ADAMTSL1: variants seen among roughly 807,000 people sequenced by gnomAD.
ADAMTSL1 encodes the protein ADAMTS-like protein 1.
A neutral mutation model predicts 201.8 loss-of-function variants in ADAMTSL1; 126 were observed. That is an observed-to-expected ratio of 0.62 (90% CI 0.54 to 0.72). The LOEUF (loss-of-function observed/expected upper bound fraction) is 0.72, where lower values mean the gene tolerates loss of function less well. Ranked by LOEUF, ADAMTSL1 falls within the 30% of genes least tolerant of loss-of-function variation. ADAMTSL1 has a pLI of 0.00. For synonymous variants in ADAMTSL1, 1,121 were observed against 903.4 expected (o/e 1.24, Z -4.32); for missense variants, 2,679 against 2,277.8 (o/e 1.18, Z -3.59).
intron 2 of ADAMTSL1, among the ~76,000 whole-genome samples, chr9:18,507,982 C>G (rs1231298296): frequency 6.6e-6 from 1 of 152,000 alleles, no homozygotes; most frequent in African/African-American, 2.4e-5. Context: ...GTCAAGAGTT[C>G]AAGACAAGCC....
chr9:18,834,839 T>C (rs963711826), intron 23 of ADAMTSL1, among the ~76,000 whole-genome samples: 2 of 152,234 alleles, frequency 1.3e-5, no homozygotes, highest in African/African-American at 4.8e-5. Flanking sequence ...TATTTCATTG[T>C]ATATACTACA....
chr9:18,660,616 T>G (rs992086682), intron 8 of ADAMTSL1, among the ~76,000 whole-genome samples: 6 of 152,178 alleles, frequency 3.9e-5, no homozygotes, highest in African/African-American at 9.6e-5. Context: ...AATTATAAAA[T>G]AATTAGCCTG....
chr9:18,131,160 C>A (rs1227967027), intron 1 of ADAMTSL1, among the ~76,000 whole-genome samples: 2 of 152,122 alleles, frequency 1.3e-5, no homozygotes, highest in Non-Finnish European at 2.9e-5. Flanking sequence ...AAAACTAAGT[C>A]TTGGTGTCAT....
intron 15 of ADAMTSL1, among the ~76,000 whole-genome samples, chr9:18,725,283 G>A (rs927880249): frequency 1.3e-5 from 2 of 152,206 alleles, no homozygotes; most frequent in African/African-American, 4.8e-5. Context: ...AGCTTTAATA[G>A]AAAAGAGAGG....
At chr9:18,773,019 G>T (rs908114701) in intron 17 of ADAMTSL1, among the ~76,000 whole-genome samples, 1 of 152,200 alleles carries the variant, frequency 6.6e-6, no homozygotes, top group Non-Finnish European at 1.5e-5. Context: ...AAGTGCTCCT[G>T]GAGGTGTTCA....
At chr9:18,740,999 TTCTG>T in intron 15 of ADAMTSL1, among the ~76,000 whole-genome samples, 1 of 152,278 alleles carries the variant, frequency 6.6e-6, no homozygotes, top group South Asian at 2.1e-4. Flanking sequence ...CAATCTATGA[TTCTG>T]TCTTAGATTG....
intron 2 of ADAMTSL1, among the ~76,000 whole-genome samples, chr9:18,300,074 C>T (rs534412936): frequency 1.3e-5 from 2 of 152,248 alleles, no homozygotes; most frequent in South Asian, 4.2e-4. Context: ...GGATCTAGAA[C>T]TAGAAATACC....
At chr9:18,532,938 T>A (rs995684692) in intron 2 of ADAMTSL1, among the ~76,000 whole-genome samples, 2 of 151,960 alleles carry the variant, frequency 1.3e-5, no homozygotes, top group Non-Finnish European at 2.9e-5. Context: ...AAAGGATTAA[T>A]TGAATGTCAG....
chr9:17,949,484 G>T (rs1318818907), intron 1 of ADAMTSL1, among the ~76,000 whole-genome samples: 1 of 152,202 alleles, frequency 6.6e-6, no homozygotes, highest in African/African-American at 2.4e-5. Flanking sequence ...GATGCCCTAA[G>T]GCCCTAAGGA....
intron 1 of ADAMTSL1, among the ~76,000 whole-genome samples, chr9:18,154,891 A>C (rs2132058648): frequency 6.6e-6 from 1 of 152,174 alleles, no homozygotes; most frequent in East Asian, 1.9e-4. Context: ...AAATTCTTTA[A>C]GTTACATATA....
intron 2 of ADAMTSL1, among the ~76,000 whole-genome samples, chr9:18,202,676 A>G (rs1447842558): frequency 6.6e-6 from 1 of 152,124 alleles, no homozygotes; most frequent in Non-Finnish European, 1.5e-5. Flanking sequence ...CCTCTATCCT[A>G]GCACCTGTAA....
intron 2 of ADAMTSL1, among the ~76,000 whole-genome samples, chr9:18,453,653 C>T (rs1268235980): frequency 2.0e-5 from 3 of 152,170 alleles, no homozygotes; most frequent in Non-Finnish European, 4.4e-5. Flanking sequence ...GGAAATCTCT[C>T]CTGCCAGATA....
chr9:18,522,056 T>C (rs1394354439), intron 2 of ADAMTSL1, among the ~76,000 whole-genome samples: 1 of 152,162 alleles, frequency 6.6e-6, no homozygotes, highest in African/African-American at 2.4e-5. Flanking sequence ...GTTCATATAG[T>C]TTCCTTTTTC....
At chr9:17,959,069 G>C (rs1473896644) in intron 1 of ADAMTSL1, among the ~76,000 whole-genome samples, 1 of 152,054 alleles carries the variant, frequency 6.6e-6, no homozygotes. Flanking sequence ...CTGTAATATA[G>C]TATTATTTTT....
At chr9:18,496,609 A>G (rs1027961890) in intron 1 of ADAMTSL1, among the ~76,000 whole-genome samples, 2 of 152,164 alleles carry the variant, frequency 1.3e-5, no homozygotes, top group African/African-American at 4.8e-5. Flanking sequence ...CAGCTTCCCT[A>G]TTATCAGTTA....
chr9:18,139,647 A>G (rs1418397394), intron 1 of ADAMTSL1, among the ~76,000 whole-genome samples: 2 of 152,200 alleles, frequency 1.3e-5, no homozygotes, highest in African/African-American at 4.8e-5. Context: ...TGCTACATAT[A>G]CAAAATAACC....
intron 2 of ADAMTSL1, among the ~76,000 whole-genome samples, chr9:18,338,321 C>T (rs1382916522): frequency 6.6e-6 from 1 of 152,088 alleles, no homozygotes; most frequent in Non-Finnish European, 1.5e-5. Flanking sequence ...CCACCTTCGG[C>T]CCCTTTCCTA....
chr9:18,531,791 C>T (rs1236422228), intron 2 of ADAMTSL1, among the ~76,000 whole-genome samples: 5 of 152,062 alleles, frequency 3.3e-5, no homozygotes, highest in African/African-American at 1.2e-4. Context: ...GCTCTGTGGA[C>T]GTTTATTGAA....
At chr9:18,853,630 G>T (rs1278112003) in intron 23 of ADAMTSL1, among the ~76,000 whole-genome samples, 1 of 152,164 alleles carries the variant, frequency 6.6e-6, no homozygotes, top group Admixed American at 6.5e-5. Context: ...GATTCAGGAA[G>T]GGCTATTATC....
Sources: allele counts gnomAD v4.1 joint callset (sites outside exome capture counted in the v4.1 genomes callset), GRCh38; gene constraint gnomAD v4.1.1; transcripts MANE v1.5; gene names NCBI Gene and HGNC (gene_info 2026-07-23, HGNC 2026-07-21).